Variants in PPL observed in about 807,000 individuals in gnomAD.
PPL encodes 190 kDa paraneoplastic pemphigus antigen.
In PPL, 198 loss-of-function variants were observed where a neutral mutation model predicts 194.4. The ratio of observed to expected loss-of-function variants is 1.02; its 90% confidence interval spans 0.91 to 1.15. The LOEUF is 1.15. Among genes scored for constraint, PPL ranks in the 50% most tolerant of loss-of-function variants. The pLI is 0.00. For missense variants in PPL, 2,885 were observed against 2,294.8 expected (o/e 1.26, Z -5.25); for synonymous variants, 1,220 against 972.4 (o/e 1.25, Z -4.74).
intron 2 of PPL, among the ~76,000 whole-genome samples, chr16:4,907,079 T>TA (rs57847738): frequency 0.085 from 6,540 of 77,006 alleles, 414 homozygotes; most frequent in South Asian, 0.2. Context: ...ACCCTATCTC[T>TA]AAAAAAAAAA....
intron 20 of PPL, among the ~76,000 whole-genome samples, chr16:4,887,527 T>A (rs537320139): frequency 1.3e-5 from 2 of 152,326 alleles, no homozygotes; most frequent in East Asian, 3.9e-4. Context: ...AGCCCTCCAC[T>A]GTACTTACTG....
At chr16:4,906,457 C>T (rs865892694) in intron 2 of PPL, among the ~76,000 whole-genome samples, 3 of 152,108 alleles carry the variant, frequency 2.0e-5, no homozygotes, top group African/African-American at 7.2e-5. Flanking sequence ...GATCTCCTGA[C>T]CTCGTGATCC....
intron 1 of PPL, among the ~76,000 whole-genome samples, chr16:4,925,889 A>G (rs1277110010): frequency 6.6e-6 from 1 of 152,174 alleles, no homozygotes; most frequent in Non-Finnish European, 1.5e-5. Context: ...GGCATTCACC[A>G]CCCAGGGAAG....
At position 4,885,312 on chromosome 16, in the gene PPL, T is replaced by G; in HGVS notation, c.3343A>C (p.Lys1115Gln). ...TCCTTCTCCACCTTGAGCACCTCCT[T>G]GACGGTGATCTTGCCCTCGGCCATG... ...RAMAEGKITV[K>Q]EVLKVEKDAA... The change falls in exon 22 of 22, where the codon AAG (lysine) becomes CAG (glutamine). Residue 1115 changes from lysine (K) to glutamine (Q), a missense_variant. Physicochemically the swap from Lys to Gln is moderately conservative, Grantham distance 53. Transcript: ENST00000345988. The surrounding 1 kb of genome is among the most constrained non-coding windows in gnomAD (Gnocchi z 6.3). 9 of 1,612,492 alleles carry G rather than the reference T, an allele frequency of 5.6e-6. 1 individual carries two copies. The South Asian group carries it at 8.8e-5, about 16-fold the overall frequency.
At chr16:4,897,057 G>A (rs185296906) in intron 9 of PPL, among the ~76,000 whole-genome samples, 3 of 152,032 alleles carry the variant, frequency 2.0e-5, no homozygotes, top group African/African-American at 7.2e-5. Flanking sequence ...CAAACTGGCC[G>A]GGTGTGGTGG....
chr16:4,929,930 C>A (rs975553452), intron 1 of PPL, among the ~76,000 whole-genome samples: 40 of 152,078 alleles, frequency 2.6e-4, no homozygotes, highest in Admixed American at 2.6e-3. Flanking sequence ...TCAAGTCATC[C>A]TCCCGCCTTG....
intron 1 of PPL, among the ~76,000 whole-genome samples, chr16:4,911,953 C>T (rs776215342): frequency 1.1e-4 from 16 of 152,204 alleles, no homozygotes; most frequent in Non-Finnish European, 1.6e-4. Flanking sequence ...CCTCCTACCT[C>T]CACCTCCTGA....
At chr16:4,922,095 G>GGCA (rs1251168472) in intron 1 of PPL, among the ~76,000 whole-genome samples, 1 of 152,176 alleles carries the variant, frequency 6.6e-6, no homozygotes, top group African/African-American at 2.4e-5. Context: ...CAGCTGGAAG[G>GGCA]GCAGTGTGGC....
At chr16:4,892,914 T>C in intron 14 of PPL, 1 of 341,668 alleles carries the variant, frequency 2.9e-6, no homozygotes. Flanking sequence ...GTGTTTGCAG[T>C]CAAGCCAGCC....
chr16:4,910,265 G>A (rs539226233), intron 2 of PPL, among the ~76,000 whole-genome samples: 1 of 152,344 alleles, frequency 6.6e-6, no homozygotes, highest in East Asian at 1.9e-4. Flanking sequence ...TGCACCCTGA[G>A]TGCTGGCAGC....
rs374905578 is a variant in PPL, at chr16:4,890,857, G to A, written c.2033C>T (p.Ala678Val). Residue 678 changes from alanine to valine, a missense_variant, in exon 17 of 22, where the codon GCG becomes GTG. Physicochemically the swap from Ala to Val is moderately conservative, Grantham distance 64. Coordinates refer to ENST00000345988, the MANE Select transcript of PPL (RefSeq NM_002705.5). ...LLGEVEQNLQAAKQCSSTLAS... is the reference protein window; with the variant it reads ...LLGEVEQNLQVAKQCSSTLAS... ...CAGTGTGCTCGAGCACTGCTTGGCC[G>A]CCTGCAAGTTCTGCTCCACCTCACC... 120 of 1,558,588 alleles carry A rather than the reference G, an allele frequency of 7.7e-5. No homozygotes were observed. Among genetic ancestry groups the A allele is most frequent in the Non-Finnish European group, 9.4e-5 (108 of 1,150,512 alleles).
chr16:4,899,264 C>A lies in PPL; in HGVS notation c.727G>T (p.Asp243Tyr). 1 of 1,613,868 alleles carries A rather than the reference C, an allele frequency of 6.2e-7. No homozygotes were observed. Among genetic ancestry groups the A allele is most frequent in the South Asian group, 1.1e-5 (1 of 91,060 alleles). Residue 243 changes from aspartate to tyrosine, a missense_variant, in exon 7 of 22, where the codon GAC becomes TAC. Asp to Tyr is a radical substitution (Grantham distance 160, BLOSUM62 -3). Coordinates refer to ENST00000345988, the MANE Select transcript of PPL (RefSeq NM_002705.5). ...CGGCTGGGGTAGTCGAGGTTGCGGT[C>A]ACTCCAGTCGTACTGCATGCGGCCC... Reference protein sequence around the residue: ...AKGRMQYDWSDRNLDYPSRRR... With the variant: ...AKGRMQYDWSYRNLDYPSRRR...
intron 1 of PPL, among the ~76,000 whole-genome samples, chr16:4,932,697 C>A (rs1359233914): frequency 6.6e-6 from 1 of 152,152 alleles, no homozygotes; most frequent in Non-Finnish European, 1.5e-5. Context: ...GGATTACAGG[C>A]GTGAGCTACC....
At chr16:4,916,671 ATT>A (rs71139664) in intron 1 of PPL, among the ~76,000 whole-genome samples, 1,717 of 147,586 alleles carry the variant, frequency 0.012, 31 homozygotes, top group African/African-American at 0.036. Flanking sequence ...TGCCCAGCTA[ATT>A]TTTTTTTTTT....
chr16:4,885,649 A>T lies in PPL; in HGVS notation c.3006T>A (p.Pro1002=). Residue 1002 remains proline, a synonymous_variant, in exon 22 of 22, where the codon CCT becomes CCA. Transcript: ENST00000345988. This position sits in a 1 kb window ranked among gnomAD's most constrained non-coding sequence, Gnocchi z 6.3. ...YVVKEVLRIE[P]DRAQADEVLQ... is the part of the protein sequence containing the mutation. ...AGACCTCATCCGCCTGGGCCCTGTCAGGCTCGATGCGCAGGACCTCCTTGA... is the reference window on the plus strand; with the variant it reads ...AGACCTCATCCGCCTGGGCCCTGTCTGGCTCGATGCGCAGGACCTCCTTGA... 1.2e-6 allele frequency: 2 copies of T among 1,612,460 alleles called. No homozygotes were observed. Among genetic ancestry groups the T allele is most frequent in the African/African-American group, 1.3e-5 (1 of 74,794 alleles).
intron 12 of PPL, among the ~76,000 whole-genome samples, chr16:4,894,004 C>G (rs1410347172): frequency 6.6e-6 from 1 of 152,152 alleles, no homozygotes; most frequent in East Asian, 1.9e-4. Flanking sequence ...TACTTTGTAC[C>G]AGGTACTTAA....
At chr16:4,919,478 A>G (rs1172549473) in intron 1 of PPL, among the ~76,000 whole-genome samples, 2 of 152,190 alleles carry the variant, frequency 1.3e-5, no homozygotes, top group African/African-American at 4.8e-5. Context: ...TGACCAGGCT[A>G]GTCCCGAACT....
chr16:4,937,084 C>T lies in PPL; in HGVS notation c.-39G>A. 1.2e-5 allele frequency: 15 copies of T among 1,255,180 alleles called. No individual in the cohort carries two copies. The highest frequency in any genetic ancestry group is 3.3e-5 in the East Asian group (1 of 29,854). 77.8% of individuals were successfully genotyped at this position (1,255,180 alleles called of 1,614,324 possible). A position where few individuals can be genotyped will look rare whatever the true frequency, so the allele number is the denominator to read the frequency against. ...GTGCGGGCGGCGGCGGCTGGCGGGC[C>T]GGGCGCGCACCGAGGGGCGGGCGGG... is the stretch of plus-strand genomic sequence containing the variant. On this transcript the variant is annotated 5_prime_UTR_variant, in exon 1 of 22. Coordinates refer to ENST00000345988, the MANE Select transcript of PPL (RefSeq NM_002705.5).
chr16:4,910,591 C>T (rs1227360074), intron 2 of PPL, among the ~76,000 whole-genome samples: 1 of 152,172 alleles, frequency 6.6e-6, no homozygotes, highest in Non-Finnish European at 1.5e-5. Flanking sequence ...AGGTTCCTCT[C>T]ACAGAGCAGG....
Sources: allele counts gnomAD v4.1 joint callset (sites outside exome capture counted in the v4.1 genomes callset), GRCh38; gene constraint gnomAD v4.1.1; non-coding constraint Gnocchi (gnomAD v3.1); transcripts MANE v1.5; gene names NCBI Gene and HGNC (gene_info 2026-07-23, HGNC 2026-07-21).